SNED1: variants seen among roughly 807,000 people sequenced by gnomAD.
The protein encoded by SNED1 is sushi, nidogen and EGF like domains 1, also known as sushi, nidogen and EGF-like domain-containing protein 1.
In SNED1, 81 loss-of-function variants were observed where a neutral mutation model predicts 166.7. That is an observed-to-expected ratio of 0.49 (90% CI 0.41 to 0.58). The LOEUF is 0.58. Among genes scored for constraint, SNED1 ranks in the 20% least tolerant of loss-of-function variants. The pLI is 0.00. For missense variants in SNED1, 1,604 were observed against 2,000.2 expected (o/e 0.80, Z 3.78); for synonymous variants, 762 against 822.0 (o/e 0.93, Z 1.25).
At position 241,040,420 on chromosome 2, in the gene SNED1, G is replaced by T; in HGVS notation, c.1273+7G>T. 6.4e-7 allele frequency: 1 copy of T among 1,558,800 alleles called. No individual in the cohort carries two copies. Among genetic ancestry groups the T allele is most frequent in the Non-Finnish European group, 8.7e-7 (1 of 1,146,428 alleles). On this transcript the variant is annotated splice_region_variant and intron_variant, in intron 8 of 31. Transcript: ENST00000310397. ...GGACTTCGCTGTGAGACAGGTAACT[G>T]GCCAAGTGCCTGCAGGCCACCATGG... is the stretch of plus-strand genomic sequence containing the variant.
At chr2:241,050,526 C>T (rs923203628) in intron 12 of SNED1, among the ~76,000 whole-genome samples, 1 of 152,184 alleles carries the variant, frequency 6.6e-6, no homozygotes, top group South Asian at 2.1e-4. Context: ...CAGGCACCCC[C>T]GCAGCCTGGA....
In SNED1 at chr2:241,018,461, C is replaced by T. The variant is rs937416583; in HGVS notation, c.214-11823C>T. On this transcript the variant is annotated intron_variant, in intron 1 of 31. Coordinates refer to ENST00000310397, the MANE Select transcript of SNED1 (RefSeq NM_001080437.3). This position sits in a 1 kb window ranked among gnomAD's most constrained non-coding sequence, Gnocchi z 5.4. ...CTGGATTTAAGGGGCAAAGAACATT[C>T]GTTGTTCACTCAGCCCCCTGCACGT... is the stretch of plus-strand genomic sequence containing the variant. Among the ~76,000 whole-genome samples, 3 of 152,176 alleles carry T rather than the reference C, an allele frequency of 2.0e-5. No individual in the cohort carries two copies. The highest frequency in any genetic ancestry group is 4.4e-5 in the Non-Finnish European group (3 of 68,034).
At chr2:241,011,202 A>G (rs1261429842) in intron 1 of SNED1, among the ~76,000 whole-genome samples, 1 of 132,864 alleles carries the variant, frequency 7.5e-6, no homozygotes, top group Non-Finnish European at 1.5e-5. Flanking sequence ...TGGGGGTGGC[A>G]GGTCTCCTGG....
In SNED1 at chr2:241,065,304, T is replaced by C. The variant is rs1237052140; in HGVS notation, c.2719T>C (p.Phe907Leu). ...YTGEDCAKEL[F>L]PPTALKMERV... ...TTTTGACCCAAACCCTGAAGAGCTC[T>C]TCCCACCGACGGCCCTCAAGATGGA... The change falls in exon 21 of 32, where the codon TTC becomes CTC. Residue 907 changes from phenylalanine to leucine, a missense_variant. Transcript: ENST00000310397. 1 of 1,612,116 alleles carries C rather than the reference T, an allele frequency of 6.2e-7. No homozygotes were observed. The highest frequency in any genetic ancestry group is 2.2e-5 in the East Asian group (1 of 44,852).
chr2:241,012,996 C>T (rs548381086), intron 1 of SNED1, among the ~76,000 whole-genome samples: 136 of 152,000 alleles, frequency 8.9e-4, no homozygotes, highest in African/African-American at 3.2e-3. Flanking sequence ...CCACCACGCC[C>T]GCTAATTTTT....
intron 30 of SNED1, chr2:241,087,889 G>A (rs973318057): frequency 7.5e-5 from 32 of 426,946 alleles, no homozygotes; most frequent in East Asian, 4.2e-4. Context: ...ACTGTTTGGC[G>A]TTTGCTGAAA....
At chr2:241,042,010 A>G (rs191016435) in intron 8 of SNED1, among the ~76,000 whole-genome samples, 82 of 152,262 alleles carry the variant, frequency 5.4e-4, no homozygotes, top group Middle Eastern at 3.4e-3. Context: ...GGTGAGCCCT[A>G]CAATTGCCCC....
chr2:241,073,666 A>C lies in SNED1; in HGVS notation c.3916+302A>C. ...CTCCCCTCTCCTCCTTCGCCTCCACATGCAGCAGAGCCCACCCCAGCCCCT... is the reference window on the plus strand; with the variant it reads ...CTCCCCTCTCCTCCTTCGCCTCCACCTGCAGCAGAGCCCACCCCAGCCCCT... On this transcript the variant is annotated intron_variant, in intron 27 of 31. Coordinates refer to ENST00000310397, the MANE Select transcript of SNED1 (RefSeq NM_001080437.3). The surrounding 1 kb of genome is among the most constrained non-coding windows in gnomAD (Gnocchi z 6.6). The C allele has an allele frequency of 2.0e-6, 1 of 499,518 alleles. No homozygotes were observed. The highest frequency in any genetic ancestry group is 1.9e-5 in the African/African-American group (1 of 51,780). The allele number at this position is 499,518 out of a possible 1,614,324, so 30.9% of individuals were successfully genotyped here.
chr2:241,006,317 T>C (rs145765075), intron 1 of SNED1, among the ~76,000 whole-genome samples: 29 of 152,362 alleles, frequency 1.9e-4, no homozygotes, highest in African/African-American at 6.0e-4. Flanking sequence ...TTCATCTTTA[T>C]AATAATTGCT....
chr2:240,998,182 TG>T (rs1407854907), upstream of SNED1, among the ~76,000 whole-genome samples: 4 of 152,072 alleles, frequency 2.6e-5, no homozygotes, highest in Non-Finnish European at 5.9e-5. Flanking sequence ...AGGCAGGGAG[TG>T]GGCTCCGGGG....
At chr2:241,046,602 C>CTA (rs2061654195) in intron 8 of SNED1, among the ~76,000 whole-genome samples, 1 of 152,140 alleles carries the variant, frequency 6.6e-6, no homozygotes, top group African/African-American at 2.4e-5. Context: ...TAAAACAAAA[C>CTA]TATAGTGATG....
chr2:241,010,854 C>A, intron 1 of SNED1: 1 of 152,978 alleles, frequency 6.5e-6, no homozygotes, highest in Non-Finnish European at 1.5e-5. Flanking sequence ...GGGAGGAGAG[C>A]GATGCCAGCA....
intron 31 of SNED1, chr2:241,088,625 A>G: frequency 1.8e-6 from 1 of 557,882 alleles, no homozygotes; most frequent in Non-Finnish European, 3.2e-6. Context: ...ATACACCTTC[A>G]GGTGGAAATG....
At chr2:241,021,705 G>A (rs1394478518) in intron 1 of SNED1, among the ~76,000 whole-genome samples, 1 of 151,886 alleles carries the variant, frequency 6.6e-6, no homozygotes, top group East Asian at 1.9e-4. Flanking sequence ...CTACTTTTTT[G>A]GCTATTATGA....
intron 31 of SNED1, chr2:241,090,460 G>T: frequency 1.3e-6 from 2 of 1,532,702 alleles, no homozygotes; most frequent in Non-Finnish European, 8.8e-7. Flanking sequence ...CTAAAATAAT[G>T]ATGAAGAGTA....
At chr2:241,056,323 C>T (rs2062038209) in intron 16 of SNED1, among the ~76,000 whole-genome samples, 1 of 151,768 alleles carries the variant, frequency 6.6e-6, no homozygotes, top group African/African-American at 2.4e-5. Context: ...ATGGTGTTGC[C>T]CAGGTTGGTC....
intron 1 of SNED1, among the ~76,000 whole-genome samples, chr2:241,008,277 C>T (rs2060283691): frequency 6.6e-6 from 1 of 152,234 alleles, no homozygotes; most frequent in Non-Finnish European, 1.5e-5. Context: ...CTGGGAAGCA[C>T]AGCCCCTCCC....
intron 6 of SNED1, 118 bp from the exon 7 acceptor site, chr2:241,039,957 G>A: frequency 1.3e-6 from 1 of 792,746 alleles, no homozygotes; most frequent in Non-Finnish European, 2.0e-6. Flanking sequence ...TGCCTGCCAG[G>A]CCCCCCTGCA....
intron 1 of SNED1, among the ~76,000 whole-genome samples, chr2:241,022,575 T>C (rs1246553598): frequency 2.0e-5 from 3 of 152,160 alleles, no homozygotes; most frequent in Admixed American, 1.3e-4. Context: ...CTACTCAGCT[T>C]CATCAACAGG....
Sources: gnomAD v4.1 joint callset for allele counts (sites outside exome capture counted in the v4.1 genomes callset) on GRCh38, gnomAD v4.1.1 for gene constraint, Gnocchi (gnomAD v3.1) non-coding constraint, MANE v1.5 for transcripts, NCBI Gene and HGNC (gene_info 2026-07-23, HGNC 2026-07-21) for gene names.